The following PDF variants were observed in gnomAD, a reference collection of about 807,000 sequenced individuals.
PDF encodes the protein peptide deformylase-like protein.
Under a neutral mutation model 20.3 loss-of-function variants are expected in PDF, and 31 were observed. The observed-to-expected ratio is 1.52, with a 90% CI of 1.15 to 2.06. The LOEUF is 2.06. Ranked by LOEUF, PDF falls within the 30% of genes most tolerant of loss-of-function variation. PDF has a pLI of 0.00. For synonymous variants in PDF, 254 were observed against 172.0 expected (o/e 1.48, Z -3.73); for missense variants, 447 against 362.5 (o/e 1.23, Z -1.89).
chr16:69,330,412 C>A lies in PDF; in HGVS notation c.159G>T (p.Arg53Ser). The A allele has an allele frequency of 6.8e-7, 1 of 1,477,892 alleles. No homozygotes were observed. Among genetic ancestry groups the A allele is most frequent in the Non-Finnish European group, 8.9e-7 (1 of 1,122,316 alleles). The allele number at this position is 1,477,892 out of a possible 1,614,324, so 91.5% of individuals were successfully genotyped here. The change falls in exon 1 of 2, where the codon AGG (arginine) becomes AGT (serine). Residue 53 changes from arginine (R) to serine (S), a missense_variant. Transcript: ENST00000288022. The stretch of plus-strand genomic sequence containing the variant: ...GTTCGGGAGGACCCAGCACCAGACG[C>A]CTCAGGTGGCGCCAATAGGAGCGCC... ...ALRRSYWRHL[R>S]RLVLGPPEPP...
intron 1 of PDF, among the ~76,000 whole-genome samples, chr16:69,329,746 G>C (rs1032149890): frequency 3.9e-5 from 6 of 152,250 alleles, no homozygotes; most frequent in Non-Finnish European, 8.8e-5. Flanking sequence ...GAGAGCAAGG[G>C]AGCAGAAAGC....
In PDF at chr16:69,330,081, G is replaced by A. The variant is rs1230915237; in HGVS notation, c.490C>T (p.Arg164Cys). The stretch of plus-strand genomic sequence containing the variant: ...CAGCCCTCGGGAAAGGTGACCAGGC[G>A]GCTGTCAAGCACTCGCAGGCTGGGG... ...VNPSLRVLDSRLVTFPEGCES... is the reference protein window; with the variant it reads ...VNPSLRVLDSCLVTFPEGCES... Residue 164 changes from arginine (R) to cysteine (C), a missense_variant, in exon 1 of 2, where the codon CGC (arginine) becomes TGC (cysteine). Physicochemically the swap from Arg to Cys is radical, Grantham distance 180. Coordinates refer to ENST00000288022, the MANE Select transcript of PDF (RefSeq NM_022341.2). 10 of 1,571,554 alleles carry A rather than the reference G, an allele frequency of 6.4e-6. No individual in the cohort carries two copies. In the South Asian group the frequency reaches 8.1e-5, roughly 13 times the overall value.
intron 1 of PDF, 55 bp from the exon 2 acceptor site, chr16:69,329,234 C>T: frequency 6.7e-7 from 1 of 1,492,388 alleles, no homozygotes; most frequent in Non-Finnish European, 8.9e-7. Flanking sequence ...GCATCATCCT[C>T]AACCTCCCTA....
In PDF at chr16:69,330,079, G is replaced by A. The variant is rs138307515; in HGVS notation, c.492C>T (p.Arg164=). 0.011 allele frequency: 17,675 copies of A among 1,570,000 alleles called. 125 individuals are homozygous for A. Among genetic ancestry groups the A allele is most frequent in the Non-Finnish European group, 0.014 (15,705 of 1,160,184 alleles). ...VNPSLRVLDS[R]LVTFPEGCES... is the part of the protein sequence containing the mutation. ...CGCAGCCCTCGGGAAAGGTGACCAG[G>A]CGGCTGTCAAGCACTCGCAGGCTGG... The change falls in exon 1 of 2, where the codon CGC becomes CGT. Residue 164 remains arginine (R), a synonymous_variant. Transcript: ENST00000288022.
At position 69,329,168 on chromosome 16, in the gene PDF, TG is replaced by T. The variant is rs1367521854; in HGVS notation, c.585del (p.Asn196MetfsTer44). The T allele has an allele frequency of 3.1e-6, 5 of 1,603,600 alleles. No homozygotes were observed. In the African/African-American group the frequency reaches 6.7e-5, roughly 21 times the overall value. On this transcript the variant is annotated frameshift_variant, in exon 2 of 2. Coordinates refer to ENST00000288022, the MANE Select transcript of PDF (RefSeq NM_022341.2). LOFTEE classifies it high-confidence loss of function. ...FQAVQISGLD[P>X]NGEQVVWQAS... ...GCCTGCCACACCACCTGTTCTCCATTGGGGTCCAGCCCTGCAAAGGAAGTTA... is the reference window on the plus strand; with the variant it reads ...GCCTGCCACACCACCTGTTCTCCATTGGGTCCAGCCCTGCAAAGGAAGTTA...
At chr16:69,329,791 G>C (rs1007780648) in intron 1 of PDF, among the ~76,000 whole-genome samples, 3 of 152,216 alleles carry the variant, frequency 2.0e-5, no homozygotes, top group African/African-American at 7.2e-5. Flanking sequence ...CGGAACTAGG[G>C]GACCTCTCCT....
chr16:69,329,897 AG>A, intron 1 of PDF, 99 bp downstream of exon 1: 1 of 1,343,482 alleles, frequency 7.4e-7, no homozygotes, highest in Non-Finnish European at 9.7e-7. Flanking sequence ...CTCCTGCGGG[AG>A]GTCCGGCGTA....
chr16:69,330,048 C>T lies in PDF; in HGVS notation c.523G>A (p.Val175Ile). 2 of 1,551,158 alleles carry T rather than the reference C, an allele frequency of 1.3e-6. No individual in the cohort carries two copies. The highest frequency in any genetic ancestry group is 2.5e-5 in the East Asian group (1 of 40,026). ...GGCACGCAGGCCAGGAAGCCGGCGACGCTCTCGCAGCCCTCGGGAAAGGTG... is the reference window on the plus strand; with the variant it reads ...GGCACGCAGGCCAGGAAGCCGGCGATGCTCTCGCAGCCCTCGGGAAAGGTG... ...LVTFPEGCES[V>I]AGFLACVPRF... The change falls in exon 1 of 2, where the codon GTC (valine) becomes ATC (isoleucine). Residue 175 changes from valine to isoleucine, a missense_variant. Transcript: ENST00000288022.
rs1467374408 is a variant in PDF at position 69,328,288 on chromosome 16, A to C, written c.*734T>G. On this transcript the variant is annotated 3_prime_UTR_variant, in exon 2 of 2. Coordinates refer to ENST00000288022, the MANE Select transcript of PDF (RefSeq NM_022341.2). ...CATTGGTTGCTGTGATATTAATTCT[A>C]TTTTTACAAAATAAGTGTATAACCA... 6.6e-6 allele frequency: 1 copy of C among 152,024 alleles called. No homozygotes were observed. The highest frequency in any genetic ancestry group is 1.9e-4 in the East Asian group (1 of 5,200). The allele number at this position is 152,024 out of a possible 1,614,324, so 9.4% of individuals were successfully genotyped here. A position where few individuals can be genotyped will look rare whatever the true frequency, so the allele number is the denominator to read the frequency against.
In PDF at chr16:69,330,503, G is replaced by GCCGCC. The variant is rs2011720911; in HGVS notation, c.63_67dup (p.Ala23GlyfsTer32). On this transcript the variant is annotated frameshift_variant, in exon 1 of 2. Transcript: ENST00000288022. LOFTEE classifies it high-confidence loss of function. The stretch of plus-strand genomic sequence containing the variant: ...GCTGCAAGCCCGGACACCGACGGCT[G>GCCGCC]CCGCCCCGCCCCACGGCACGGCCGC... 1.4e-6 allele frequency: 2 copies of GCCGCC among 1,472,198 alleles called. No individual in the cohort carries two copies. The highest frequency in any genetic ancestry group is 1.8e-6 in the Non-Finnish European group (2 of 1,120,428). The allele number at this position is 1,472,198 out of a possible 1,614,324, so 91.2% of individuals were successfully genotyped here. A position where few individuals can be genotyped will look rare whatever the true frequency, so the allele number is the denominator to read the frequency against.
chr16:69,330,175 A>C lies in PDF; in HGVS notation c.396T>G (p.Cys132Trp). The C allele has an allele frequency of 6.6e-7, 1 of 1,515,544 alleles. No individual in the cohort carries two copies. The highest frequency in any genetic ancestry group is 8.8e-7 in the Non-Finnish European group (1 of 1,137,212). 93.9% of individuals were successfully genotyped at this position (1,515,544 alleles called of 1,614,324 possible). Residue 132 changes from cysteine (C) to tryptophan (W), a missense_variant, in exon 1 of 2, where the codon TGT (cysteine) becomes TGG (tryptophan). Coordinates refer to ENST00000288022, the MANE Select transcript of PDF (RefSeq NM_022341.2). ...CGCGCTGGCGGGGCGGGCACTCCCG[A>C]CACAGCGCCTCGGGGAGCTCCAGCG... Reference protein sequence around the residue: ...VLALELPEALCRECPPRQRAL... With the variant: ...VLALELPEALWRECPPRQRAL...
chr16:69,329,174 C>T lies in PDF; in HGVS notation c.580G>A (p.Asp194Asn). ...RFQAVQISGLDPNGEQVVWQA... is the reference protein window; with the variant it reads ...RFQAVQISGLNPNGEQVVWQA... Reference sequence around the variant, plus strand: ...CACACCACCTGTTCTCCATTGGGGTCCAGCCCTGCAAAGGAAGTTACAGCC... The same window carrying T: ...CACACCACCTGTTCTCCATTGGGGTTCAGCCCTGCAAAGGAAGTTACAGCC... Residue 194 changes from aspartate to asparagine, a missense_variant, in exon 2 of 2, where the codon GAC becomes AAC. Asp to Asn is a conservative substitution (Grantham distance 23). Coordinates refer to ENST00000288022, the MANE Select transcript of PDF (RefSeq NM_022341.2). 6.3e-7 allele frequency: 1 copy of T among 1,596,694 alleles called. No homozygotes were observed. Among genetic ancestry groups the T allele is most frequent in the Non-Finnish European group, 8.5e-7 (1 of 1,174,376 alleles).
chr16:69,329,172 G>A lies in PDF; in HGVS notation c.582C>T (p.Asp194=), dbSNP rs755925343. The A allele has an allele frequency of 6.3e-7, 1 of 1,597,666 alleles. No individual in the cohort carries two copies. The change falls in exon 2 of 2, where the codon GAC becomes GAT. Residue 194 remains aspartate, a synonymous_variant. Transcript: ENST00000288022. ...RFQAVQISGL[D]PNGEQVVWQA... ...GCCACACCACCTGTTCTCCATTGGG[G>A]TCCAGCCCTGCAAAGGAAGTTACAG...
At position 69,330,538 on chromosome 16, in the gene PDF, C is replaced by T. The variant is rs1262828956; in HGVS notation, c.33G>A (p.Trp11Ter). The T allele has an allele frequency of 6.8e-7, 1 of 1,478,972 alleles. No individual in the cohort carries two copies. The highest frequency in any genetic ancestry group is 2.9e-5 in the East Asian group (1 of 34,822). 91.6% of individuals were successfully genotyped at this position (1,478,972 alleles called of 1,614,324 possible). A position where few individuals can be genotyped will look rare whatever the true frequency, so the allele number is the denominator to read the frequency against. Residue 11 changes from tryptophan (W) to a stop codon, truncating the protein, a stop_gained, in exon 1 of 2, where the codon TGG becomes TGA. Transcript: ENST00000288022. LOFTEE classifies it high-confidence loss of function. ...CCCACGGCACGGCCGCCCACAGTGG[C>T]CAAAGACTCAGCGCGCCCCACAGCC... MARLWGALSL[W>*]PLWAAVPWGG...
rs1965699085 is a variant in PDF at position 69,329,178 on chromosome 16, C to T, written c.576G>A (p.Gly192=). The T allele has an allele frequency of 1.3e-6, 2 of 1,594,272 alleles. No individual in the cohort carries two copies. Among genetic ancestry groups the T allele is most frequent in the African/African-American group, 1.3e-5 (1 of 74,306 alleles). ...CCACCTGTTCTCCATTGGGGTCCAGCCCTGCAAAGGAAGTTACAGCCCTGG... is the reference window on the plus strand; with the variant it reads ...CCACCTGTTCTCCATTGGGGTCCAGTCCTGCAAAGGAAGTTACAGCCCTGG... ...VPRFQAVQIS[G]LDPNGEQVVW... The change falls in exon 2 of 2, where the codon GGG becomes GGA. Residue 192 remains glycine, a splice_region_variant and synonymous_variant. Transcript: ENST00000288022.
At position 69,330,088 on chromosome 16, in the gene PDF, A is replaced by G. The variant is rs2011658134; in HGVS notation, c.483T>C (p.Leu161=). ...RVFVNPSLRV[L]DSRLVTFPEG... is the part of the protein sequence containing the mutation. ...CGGGAAAGGTGACCAGGCGGCTGTCAAGCACTCGCAGGCTGGGGTTCACGA... is the reference window on the plus strand; with the variant it reads ...CGGGAAAGGTGACCAGGCGGCTGTCGAGCACTCGCAGGCTGGGGTTCACGA... The change falls in exon 1 of 2, where the codon CTT becomes CTC. Residue 161 remains leucine (L), a synonymous_variant. Transcript: ENST00000288022. 2 of 1,576,002 alleles carry G rather than the reference A, an allele frequency of 1.3e-6. No homozygotes were observed. The highest frequency in any genetic ancestry group is 2.4e-5 in the East Asian group (1 of 41,388).
chr16:69,329,966 C>T, intron 1 of PDF, 31 bp downstream of exon 1: 2 of 1,504,842 alleles, frequency 1.3e-6, no homozygotes, highest in Non-Finnish European at 1.8e-6. Context: ...GCGCGCGCTG[C>T]TCCAGCAGCC....
intron 1 of PDF, 47 bp from the exon 2 acceptor site, chr16:69,329,226 A>C (rs1274181361): frequency 6.6e-7 from 1 of 1,514,222 alleles, no homozygotes; most frequent in African/African-American, 1.4e-5. Context: ...GCTGAACTGC[A>C]TCATCCTCAA....
chr16:69,329,912 A>G (rs1238377270), intron 1 of PDF, 85 bp downstream of exon 1: 41 of 1,406,982 alleles, frequency 2.9e-5, no homozygotes, highest in Non-Finnish European at 3.7e-5. Flanking sequence ...CGGCGTATGA[A>G]CCGCGACCAC....
Sources: allele counts gnomAD v4.1 joint callset (sites outside exome capture counted in the v4.1 genomes callset), GRCh38; gene constraint gnomAD v4.1.1; transcripts MANE v1.5; gene names NCBI Gene and HGNC (gene_info 2026-07-23, HGNC 2026-07-21).